Variants in ABCA5 observed in about 807,000 individuals in gnomAD.
ABCA5 encodes the protein ATP binding cassette subfamily A member 5.
Under a neutral mutation model 206.0 loss-of-function variants are expected in ABCA5, and 163 were observed. That is an observed-to-expected ratio of 0.79 (90% CI 0.70 to 0.90). ABCA5 has a LOEUF of 0.90. Ranked by LOEUF, ABCA5 falls within the 40% of genes least tolerant of loss-of-function variation. ABCA5 has a pLI of 0.00. For missense variants in ABCA5, 1,859 were observed against 1,912.9 expected (o/e 0.97, Z 0.53); for synonymous variants, 609 against 613.8 (o/e 0.99, Z 0.11).
At chr17:69,272,515 A>G (rs1002457102) in intron 20 of ABCA5, among the ~76,000 whole-genome samples, 10 of 152,156 alleles carry the variant, frequency 6.6e-5, no homozygotes, top group African/African-American at 2.2e-4. Context: ...TTCCTTTAAA[A>G]AAAAAAGAAA....
chr17:69,274,085 A>G lies in ABCA5; in HGVS notation c.2638T>C (p.Phe880Leu). The change falls in exon 20 of 39, where the codon TTT (phenylalanine) becomes CTT (leucine). Residue 880 changes from phenylalanine (F) to leucine (L), a missense_variant. Coordinates refer to ENST00000392676, the MANE Select transcript of ABCA5 (RefSeq NM_172232.4). ...LIFFTVQIFMFLVHHSFKNAV... is the reference protein window; with the variant it reads ...LIFFTVQIFMLLVHHSFKNAV... ...TTTTTAAAAGAGTGATGAACCAAAAACATAAAAATCTGAACTGTGAAAAAA... is the reference window on the plus strand; with the variant it reads ...TTTTTAAAAGAGTGATGAACCAAAAGCATAAAAATCTGAACTGTGAAAAAA... 1 of 1,598,738 alleles carries G rather than the reference A, an allele frequency of 6.3e-7. No homozygotes were observed. Among genetic ancestry groups the G allele is most frequent in the Non-Finnish European group, 8.5e-7 (1 of 1,176,030 alleles).
At position 69,274,020 on chromosome 17, in the gene ABCA5, A is replaced by G. The variant is rs776366020; in HGVS notation, c.2703T>C (p.Phe901=). Residue 901 remains phenylalanine, a synonymous_variant, in exon 20 of 39, where the codon TTT becomes TTC. Coordinates refer to ENST00000392676, the MANE Select transcript of ABCA5 (RefSeq NM_172232.4). ...TATGTGGTTTGTCTCCAGGTTTTAG[A>G]AAATATAAGTCTGGAACAAGTTTGA... is the stretch of plus-strand genomic sequence containing the variant. ...VPIKLVPDLY[F]LKPGDKPHKY... 2 of 1,611,452 alleles carry G rather than the reference A, an allele frequency of 1.2e-6. No individual in the cohort carries two copies. The highest frequency in any genetic ancestry group is 4.5e-5 in the East Asian group (2 of 44,858).
chr17:69,293,164 TAC>T (rs141471808), intron 11 of ABCA5, among the ~76,000 whole-genome samples: 7 of 149,880 alleles, frequency 4.7e-5, no homozygotes, highest in East Asian at 4.0e-4. Context: ...ACCAACAGAA[TAC>T]ACACACACAC....
intron 1 of ABCA5, among the ~76,000 whole-genome samples, chr17:69,323,826 C>T (rs1393183141): frequency 6.6e-6 from 1 of 152,196 alleles, no homozygotes; most frequent in Non-Finnish European, 1.5e-5. Context: ...CTAAATCCAA[C>T]CCTCAGTCTG....
chr17:69,313,580 T>G (rs963043862), intron 2 of ABCA5, among the ~76,000 whole-genome samples: 2 of 152,106 alleles, frequency 1.3e-5, no homozygotes, highest in Admixed American at 1.3e-4. Flanking sequence ...TTTAAACATC[T>G]TAGATTATTG....
At chr17:69,250,924 T>A (rs1237818634) in intron 35 of ABCA5, 1 of 178,100 alleles carries the variant, frequency 5.6e-6, no homozygotes, top group African/African-American at 2.4e-5. Flanking sequence ...TATTCCAGGT[T>A]CTATCCAGGA....
Position 69,277,730 on chromosome 17 carries a change from G to T in ABCA5, c.2505C>A (p.Ser835Arg), listed in dbSNP as rs1028534923. The T allele has an allele frequency of 1.2e-6, 2 of 1,609,570 alleles. No individual in the cohort carries two copies. The highest frequency in any genetic ancestry group is 1.7e-6 in the Non-Finnish European group (2 of 1,178,708). The change falls in exon 19 of 39, where the codon AGC becomes AGA. Residue 835 changes from serine (S) to arginine (R), a missense_variant. Coordinates refer to ENST00000392676, the MANE Select transcript of ABCA5 (RefSeq NM_172232.4). ...ILSETKAALVSTMSLWKQQMY... is the reference protein window; with the variant it reads ...ILSETKAALVRTMSLWKQQMY... ...TCTGTTGTTTCCAAAGGCTCATGGTGCTCACTAGAGCAGCCTTGGTTTCAG... is the reference window on the plus strand; with the variant it reads ...TCTGTTGTTTCCAAAGGCTCATGGTTCTCACTAGAGCAGCCTTGGTTTCAG...
chr17:69,252,422 T>C (rs2075025704), intron 34 of ABCA5, among the ~76,000 whole-genome samples: 1 of 152,078 alleles, frequency 6.6e-6, no homozygotes, highest in Non-Finnish European at 1.5e-5. Context: ...TGACAACAAA[T>C]AAATTTTAAA....
Position 69,308,299 on chromosome 17 carries a change from A to G in ABCA5, c.539T>C (p.Ile180Thr). ...SSGFTVLQAS[I>T]DAAIIQLKTN... ...ATTTACCTGTATAATGGCAGCATCT[A>G]TGGATGCTTGTAAAACTGTGAAACC... Residue 180 changes from isoleucine (I) to threonine (T), a missense_variant, in exon 5 of 39, where the codon ATA becomes ACA. Ile to Thr is a moderately conservative substitution (Grantham distance 89). Coordinates refer to ENST00000392676, the MANE Select transcript of ABCA5 (RefSeq NM_172232.4). The G allele has an allele frequency of 1.2e-6, 2 of 1,609,562 alleles. No homozygotes were observed. The highest frequency in any genetic ancestry group is 1.7e-4 in the Middle Eastern group (1 of 6,044).
intron 1 of ABCA5, among the ~76,000 whole-genome samples, chr17:69,319,972 G>C (rs2075849047): frequency 6.6e-6 from 1 of 152,148 alleles, no homozygotes; most frequent in Admixed American, 6.5e-5. Flanking sequence ...CCTTGGGCAA[G>C]TTATTTAATG....
intron 3 of ABCA5, among the ~76,000 whole-genome samples, 154 bp downstream of exon 3, chr17:69,312,938 C>T (rs1244263625): frequency 6.6e-6 from 1 of 151,746 alleles, no homozygotes; most frequent in African/African-American, 2.4e-5. Context: ...AATAAGGCAA[C>T]AGAATTAAAT....
chr17:69,292,756 T>C (rs75105941), intron 11 of ABCA5, among the ~76,000 whole-genome samples: 1 of 152,190 alleles, frequency 6.6e-6, no homozygotes, highest in Non-Finnish European at 1.5e-5. Context: ...AACAGATTCA[T>C]AAATTGGACT....
In ABCA5 at chr17:69,309,271, C is replaced by A; in HGVS notation, c.460G>T (p.Asp154Tyr). 6.4e-7 allele frequency: 1 copy of A among 1,565,402 alleles called. No individual in the cohort carries two copies. Among genetic ancestry groups the A allele is most frequent in the Non-Finnish European group, 8.6e-7 (1 of 1,163,948 alleles). The change falls in exon 4 of 39, where the codon GAT (aspartate) becomes TAT (tyrosine). Residue 154 changes from aspartate (D) to tyrosine (Y), a missense_variant. Physicochemically the swap from Asp to Tyr is radical, Grantham distance 160. Transcript: ENST00000392676. ...DMIPVSSIYM[D>Y]SRAGCSKSCE... Reference sequence around the variant, plus strand: ...ATGTAGGGCTATTTACCTCTTGAATCCATATAAATAGAAGATACTGGAATC... The same window carrying A: ...ATGTAGGGCTATTTACCTCTTGAATACATATAAATAGAAGATACTGGAATC...
chr17:69,251,700 C>T (rs892587384), intron 35 of ABCA5, 47 bp downstream of exon 35: 7 of 1,552,126 alleles, frequency 4.5e-6, no homozygotes, highest in Non-Finnish European at 6.1e-6. Context: ...TTTCAAAATC[C>T]AACCCCCAAC....
rs146635038 is a variant in ABCA5, at chr17:69,313,099, T to C, written c.300A>G (p.Leu100=). The C allele has an allele frequency of 7.5e-5, 120 of 1,599,492 alleles. No homozygotes were observed. Among genetic ancestry groups the C allele is most frequent in the Non-Finnish European group, 9.9e-5 (116 of 1,171,580 alleles). ...SIMQKVSTDH[L]PDVIITEEYT... ...TATATAAGCTCACAATACCATCAGG[T>C]AGATGATCAGTAGACACTTTCTGCA... Residue 100 remains leucine (L), a synonymous_variant, in exon 3 of 39, where the codon CTA becomes CTG. Transcript: ENST00000392676.
chr17:69,303,869 T>C (rs1187983481), intron 7 of ABCA5, among the ~76,000 whole-genome samples: 3 of 106,880 alleles, frequency 2.8e-5, no homozygotes, highest in Non-Finnish European at 3.6e-5. Flanking sequence ...TATATATATA[T>C]ACATATATAC....
chr17:69,294,967 A>C (rs948066505), intron 10 of ABCA5, among the ~76,000 whole-genome samples: 43 of 152,138 alleles, frequency 2.8e-4, no homozygotes, highest in African/African-American at 1.0e-3. Context: ...TAATCCCCTA[A>C]AACTAATCTA....
At chr17:69,306,451 G>C (rs954548575) in intron 6 of ABCA5, among the ~76,000 whole-genome samples, 2 of 151,964 alleles carry the variant, frequency 1.3e-5, no homozygotes, top group Admixed American at 6.6e-5. Context: ...AAATATACAC[G>C]GAGTGTGCCC....
At chr17:69,294,233 A>T (rs1346048290) in intron 11 of ABCA5, among the ~76,000 whole-genome samples, 2 of 152,034 alleles carry the variant, frequency 1.3e-5, no homozygotes, top group African/African-American at 4.8e-5. Flanking sequence ...TCAAAAAAGC[A>T]AGACAGGGGC....
Sources: allele counts gnomAD v4.1 joint callset (sites outside exome capture counted in the v4.1 genomes callset), GRCh38; gene constraint gnomAD v4.1.1; transcripts MANE v1.5; gene names NCBI Gene and HGNC (gene_info 2026-07-23, HGNC 2026-07-21).